TRAF7: variants seen among roughly 807,000 people sequenced by gnomAD.
The protein encoded by TRAF7 is TNF receptor associated factor 7.
A neutral mutation model predicts 89.3 loss-of-function variants in TRAF7; 45 were observed. The observed-to-expected ratio is 0.50, with a 90% CI of 0.40 to 0.65. TRAF7 has a LOEUF of 0.65. TRAF7 is among the 30% of genes least tolerant of loss of function. TRAF7 has a pLI of 0.00. For synonymous variants in TRAF7, 406 were observed against 369.2 expected (o/e 1.10, Z -1.14); for missense variants, 677 against 918.1 (o/e 0.74, Z 3.39).
chr16:2,173,935 C>T lies in TRAF7; in HGVS notation c.1150C>T (p.Gln384Ter). The change falls in exon 13 of 21, where the codon CAG becomes TAG. Residue 384 changes from glutamine to a stop codon, truncating the protein, a stop_gained. Transcript: ENST00000326181. LOFTEE classifies it high-confidence loss of function. The part of the protein sequence containing the change: ...MGILGSYDPQ[Q>*]IFKCKGTFVG... ...CATCTCTGCAGCCTACGACCCTCAG[C>T]AGATCTTCAAGTGCAAAGGGACCTT... 1 of 1,612,490 alleles carries T rather than the reference C, an allele frequency of 6.2e-7. No homozygotes were observed. Among genetic ancestry groups the T allele is most frequent in the Non-Finnish European group, 8.5e-7 (1 of 1,179,804 alleles).
intron 14 of TRAF7, among the ~76,000 whole-genome samples, chr16:2,174,638 CAGG>C (rs369009659): frequency 5.3e-5 from 8 of 152,154 alleles, no homozygotes; most frequent in African/African-American, 1.9e-4. Context: ...GGGGTGAAGG[CAGG>C]AGCTCAGCTC....
At chr16:2,171,222 G>C (rs2093108394) in intron 5 of TRAF7, 42 bp from the exon 6 acceptor site, 2 of 1,500,716 alleles carry the variant, frequency 1.3e-6, no homozygotes, top group Non-Finnish European at 1.8e-6. Flanking sequence ...CGGGGCTGAG[G>C]GTGGCCTCCC....
chr16:2,173,857 G>GCGGGGCCCCCCCCC, intron 12 of TRAF7, 21 bp downstream of exon 12: 2 of 1,607,494 alleles, frequency 1.2e-6, no homozygotes, highest in East Asian at 2.2e-5. Context: ...ACCCGCCGTG[G>GCGGGGCCCCCCCCC]CTCCCGCCCA....
rs2093047640 is a variant in TRAF7 at position 2,159,132 on chromosome 16, C to T, written c.-39+3274C>T. On this transcript the variant is annotated intron_variant, in intron 1 of 20. Transcript: ENST00000326181. The surrounding 1 kb of genome is among the most constrained non-coding windows in gnomAD (Gnocchi z 6.5). ...AAAGCCTTGGCCGAGCTGTGGGGAC[C>T]CCCTCCCTGGAGCAGAGGGAGATAC... Among the ~76,000 whole-genome samples the T allele has an allele frequency of 6.6e-6, 1 of 152,182 alleles. No individual in the cohort carries two copies. Among genetic ancestry groups the T allele is most frequent in the Non-Finnish European group, 1.5e-5 (1 of 68,034 alleles).
Position 2,168,248 on chromosome 16 carries a change from G to A in TRAF7, c.231+80G>A. ...TCCTGGGGGAACCAGGTCCCAGGAG[G>A]AGTTGACAGTGAGCTGGTGAGGCAC... On this transcript the variant is annotated intron_variant, in intron 4 of 20. Transcript: ENST00000326181. The surrounding 1 kb of genome is among the most constrained non-coding windows in gnomAD (Gnocchi z 4.1). 7.9e-7 allele frequency: 1 copy of A among 1,265,854 alleles called. No individual in the cohort carries two copies. Among genetic ancestry groups the A allele is most frequent in the South Asian group, 1.3e-5 (1 of 76,078 alleles). The allele number at this position is 1,265,854 out of a possible 1,614,324, so 78.4% of individuals were successfully genotyped here.
chr16:2,167,339 G>C (rs1190546310), intron 3 of TRAF7, among the ~76,000 whole-genome samples: 1 of 151,576 alleles, frequency 6.6e-6, no homozygotes, highest in Non-Finnish European at 1.5e-5. Flanking sequence ...CCTCAATCTC[G>C]AGCCCAGGGC....
At chr16:2,157,968 A>G (rs1269501676) in intron 1 of TRAF7, among the ~76,000 whole-genome samples, 4 of 152,094 alleles carry the variant, frequency 2.6e-5, no homozygotes, top group Admixed American at 6.5e-5. Flanking sequence ...CTCCTTCCAG[A>G]CAGGGTTCTG....
intron 1 of TRAF7, among the ~76,000 whole-genome samples, chr16:2,157,996 G>A (rs560649676): frequency 2.6e-4 from 40 of 152,200 alleles, no homozygotes; most frequent in Middle Eastern, 3.4e-3. Context: ...TCCGTTTTTC[G>A]AGAAGCCCGA....
chr16:2,159,960 G>A lies in TRAF7; in HGVS notation c.-38-3923G>A, dbSNP rs1238002167. The stretch of plus-strand genomic sequence containing the variant: ...CTCCAGGTGTGTCTCCAGGGAAAGG[G>A]GTGGGTGTCCGCATCCCACATGCCC... On this transcript the variant is annotated intron_variant, in intron 1 of 20. Coordinates refer to ENST00000326181, the MANE Select transcript of TRAF7 (RefSeq NM_032271.3). The surrounding 1 kb of genome is among the most constrained non-coding windows in gnomAD (Gnocchi z 6.5). Among the ~76,000 whole-genome samples the A allele has an allele frequency of 3.9e-5, 6 of 152,372 alleles. No homozygotes were observed. The highest frequency in any genetic ancestry group is 2.1e-4 in the South Asian group (1 of 4,832).
intron 1 of TRAF7, among the ~76,000 whole-genome samples, chr16:2,156,929 G>T (rs939509760): frequency 6.6e-6 from 1 of 152,098 alleles, no homozygotes; most frequent in Admixed American, 6.5e-5. Flanking sequence ...GTCAAGATAC[G>T]GTTGTCTTGA....
chr16:2,172,321 C>G lies in TRAF7; in HGVS notation c.606C>G (p.Ile202Met). The change falls in exon 8 of 21, where the codon ATC becomes ATG. Residue 202 changes from isoleucine to methionine, a missense_variant. Around this residue, in one of 6 missense-constraint regions of TRAF7, gnomAD observed 238 missense variants for 352.6 expected, o/e 0.67. Transcript: ENST00000326181. The part of the protein sequence containing the change: ...CRVAGSGKPP[I>M]FEVDPRGCPF... ...TAGCGGGCAGCGGGAAGCCCCCCATCTTTGAGGTGGACCCCCGAGGGTGCC... is the reference window on the plus strand; with the variant it reads ...TAGCGGGCAGCGGGAAGCCCCCCATGTTTGAGGTGGACCCCCGAGGGTGCC... The G allele has an allele frequency of 3.1e-6, 5 of 1,612,616 alleles. No individual in the cohort carries two copies. Among genetic ancestry groups the G allele is most frequent in the Non-Finnish European group, 4.2e-6 (5 of 1,179,940 alleles).
chr16:2,160,125 G>A (rs1340544367), intron 1 of TRAF7, among the ~76,000 whole-genome samples: 1 of 152,082 alleles, frequency 6.6e-6, no homozygotes, highest in Non-Finnish European at 1.5e-5. Flanking sequence ...TTGCACAGTG[G>A]GTGCCCCCAG....
rs987158324 is a variant in TRAF7, at chr16:2,159,679, G to A, written c.-39+3821G>A. Among the ~76,000 whole-genome samples, 8 of 152,186 alleles carry A rather than the reference G, an allele frequency of 5.3e-5. No homozygotes were observed. The highest frequency in any genetic ancestry group is 1.0e-4 in the Non-Finnish European group (7 of 68,012). ...GGCCACACACAGCCCTGTGGCAGGC[G>A]GGGCGGAGGCTTCTGGAGCCGTCCC... On this transcript the variant is annotated intron_variant, in intron 1 of 20. Transcript: ENST00000326181. This position sits in a 1 kb window ranked among gnomAD's most constrained non-coding sequence, Gnocchi z 6.5.
chr16:2,157,835 G>GC (rs1468814736), intron 1 of TRAF7, among the ~76,000 whole-genome samples: 1 of 152,128 alleles, frequency 6.6e-6, no homozygotes, highest in Admixed American at 6.5e-5. Context: ...TGGTCACAGC[G>GC]GCACAGCCTG....
At chr16:2,173,859 T>TGGGCCC in intron 12 of TRAF7, 23 bp downstream of exon 12, 5 of 1,246,218 alleles carry the variant, frequency 4.0e-6, no homozygotes, top group Non-Finnish European at 5.5e-6. Flanking sequence ...CCGCCGTGGC[T>TGGGCCC]CCCGCCCACC....
At position 2,163,180 on chromosome 16, in the gene TRAF7, C is replaced by T. The variant is rs913213672; in HGVS notation, c.-38-703C>T. 6.6e-6 allele frequency among the ~76,000 whole-genome samples: 1 copy of T among 152,164 alleles called. No homozygotes were observed. Among genetic ancestry groups the T allele is most frequent in the East Asian group, 1.9e-4 (1 of 5,192 alleles). On this transcript the variant is annotated intron_variant, in intron 1 of 20. Transcript: ENST00000326181. The surrounding 1 kb of genome is among the most constrained non-coding windows in gnomAD (Gnocchi z 4.3). ...TCTCTTCTGGGGAGGGTGATTCCCGCATGCCTTCTCCCTGCCCCCCCACCC... is the reference window on the plus strand; with the variant it reads ...TCTCTTCTGGGGAGGGTGATTCCCGTATGCCTTCTCCCTGCCCCCCCACCC...
chr16:2,160,270 C>T (rs2093052238), intron 1 of TRAF7, among the ~76,000 whole-genome samples: 1 of 151,978 alleles, frequency 6.6e-6, no homozygotes, highest in Non-Finnish European at 1.5e-5. Context: ...CCAATCCTGC[C>T]CTTCCCCTCT....
intron 2 of TRAF7, among the ~76,000 whole-genome samples, 182 bp downstream of exon 2, chr16:2,164,183 C>A (rs532982995): frequency 7.6e-6 from 1 of 132,170 alleles, no homozygotes; most frequent in Non-Finnish European, 1.6e-5. Flanking sequence ...CGCGCGCGCA[C>A]GCGTGCGTGT....
Position 2,176,825 on chromosome 16 carries a change from C to T in TRAF7, c.*251C>T, listed in dbSNP as rs1161807673. On this transcript the variant is annotated 3_prime_UTR_variant, in exon 21 of 21. Coordinates refer to ENST00000326181, the MANE Select transcript of TRAF7 (RefSeq NM_032271.3). ...CCCCGGCCCACCCTCCATCCCCACC[C>T]TCCATCCCCACCCTAGATGGAGCGA... The T allele has an allele frequency of 3.3e-6, 2 of 610,820 alleles. No individual in the cohort carries two copies. The highest frequency in any genetic ancestry group is 3.7e-5 in the African/African-American group (2 of 54,284). 37.8% of individuals were successfully genotyped at this position (610,820 alleles called of 1,614,324 possible). A position where few individuals can be genotyped will look rare whatever the true frequency, so the allele number is the denominator to read the frequency against.
Sources: allele counts gnomAD v4.1 joint callset (sites outside exome capture counted in the v4.1 genomes callset), GRCh38; gene constraint gnomAD v4.1.1; regional missense constraint gnomAD v4.1.1; non-coding constraint Gnocchi (gnomAD v3.1); transcripts MANE v1.5; gene names NCBI Gene and HGNC (gene_info 2026-07-23, HGNC 2026-07-21).